Variants in IL17RE observed in about 807,000 individuals in gnomAD.
The protein encoded by IL17RE is interleukin 17 receptor E.
IL17RE carries 47 observed loss-of-function variants against 70.7 expected under a neutral mutation model. That is an observed-to-expected ratio of 0.67 (90% CI 0.53 to 0.85). The LOEUF (loss-of-function observed/expected upper bound fraction) is 0.85. IL17RE is among the 40% of genes least tolerant of loss of function. The pLI is 0.00. For synonymous variants in IL17RE, 372 were observed against 381.2 expected, an observed-to-expected ratio of 0.98 and a Z score of 0.28; for missense variants, 850 against 893.9, an observed-to-expected ratio of 0.95 and a Z score of 0.63.
rs1230742813 is a variant in IL17RE at position 9,907,078 on chromosome 3, T to C, written c.644T>C (p.Leu215Pro). Residue 215 changes from leucine (L) to proline (P), a missense_variant, in exon 6 of 16, where the codon CTG becomes CCG. Transcript: ENST00000383814. ...CAGTGGGCACTGGAGTGTGAAGAGCTGAGCAGTCCCTATGATGTCCAGGTA... is the reference window on the plus strand; with the variant it reads ...CAGTGGGCACTGGAGTGTGAAGAGCCGAGCAGTCCCTATGATGTCCAGGTA... ...CHQWALECEE[L>P]SSPYDVQKIV... is the part of the protein sequence containing the mutation. 1 of 1,614,162 alleles carries C rather than the reference T, an allele frequency of 6.2e-7. No individual in the cohort carries two copies. The highest frequency in any genetic ancestry group is 1.7e-5 in the Admixed American group (1 of 60,004).
chr3:9,911,338 C>T (rs767525094), intron 11 of IL17RE, 38 bp downstream of exon 11: 6 of 1,613,286 alleles, frequency 3.7e-6, no homozygotes, highest in Non-Finnish European at 5.1e-6. Flanking sequence ...ACCCCCTGCC[C>T]CATTTCATCC....
At chr3:9,905,094 C>CAAAAAAAAAAA (rs71626946) in intron 3 of IL17RE, among the ~76,000 whole-genome samples, 3 of 56,164 alleles carry the variant, frequency 5.3e-5, no homozygotes, top group Admixed American at 2.6e-4. Context: ...GACCCTGTCT[C>CAAAAAAAAAAA]AAAAAAAAAA....
Position 9,906,443 on chromosome 3 carries a change from G to A in IL17RE, c.348G>A (p.Lys116=). The A allele has an allele frequency of 1.2e-6, 2 of 1,612,878 alleles. No individual in the cohort carries two copies. The highest frequency in any genetic ancestry group is 4.5e-5 in the East Asian group (2 of 44,876). The change falls in exon 4 of 16, where the codon AAG becomes AAA. Residue 116 remains lysine (K), a synonymous_variant. Coordinates refer to ENST00000383814, the MANE Select transcript of IL17RE (RefSeq NM_153480.2). ...CATTCAAGTTCTATAGGAGACACAA[G>A]ATGCCAGCACCTGCTCAGGTACTCT... ...SSTFKFYRRH[K]MPAPAQRKLL...
In IL17RE at chr3:9,906,428, C is replaced by A. The variant is rs372470651; in HGVS notation, c.333C>A (p.Phe111Leu). ...CCAAAAAGTCTTCCACATTCAAGTTCTATAGGAGACACAAGATGCCAGCAC... is the reference window on the plus strand; with the variant it reads ...CCAAAAAGTCTTCCACATTCAAGTTATATAGGAGACACAAGATGCCAGCAC... ...QKSKKSSTFK[F>L]YRRHKMPAPA... Residue 111 changes from phenylalanine (F) to leucine (L), a missense_variant, in exon 4 of 16, where the codon TTC becomes TTA. Coordinates refer to ENST00000383814, the MANE Select transcript of IL17RE (RefSeq NM_153480.2). 104 of 1,613,866 alleles carry A rather than the reference C, an allele frequency of 6.4e-5. 1 individual carries two copies. The South Asian group carries it at 1.1e-3, about 17-fold the overall frequency.
rs1575491174 is a variant in IL17RE, at chr3:9,911,318, C to T, written c.1072+18C>T. 6.2e-7 allele frequency: 1 copy of T among 1,614,044 alleles called. No individual in the cohort carries two copies. Among genetic ancestry groups the T allele is most frequent in the East Asian group, 2.2e-5 (1 of 44,880 alleles). On this transcript the variant is annotated intron_variant, in intron 11 of 15. Transcript: ENST00000383814. ...CCAGACTGGTGAGTCAATAAGTGACCTCTGCTGGGACCCCCTGCCCCATTT... is the reference window on the plus strand; with the variant it reads ...CCAGACTGGTGAGTCAATAAGTGACTTCTGCTGGGACCCCCTGCCCCATTT...
At chr3:9,902,550 G>A, upstream of IL17RE, 1 of 1,374,106 alleles carries the variant, frequency 7.3e-7, no homozygotes, top group Non-Finnish European at 1.0e-6. Context: ...GGAGACACAA[G>A]TTCCAGAGTG....
Position 9,915,664 on chromosome 3 carries a change from C to G in IL17RE, c.1861C>G (p.Arg621Gly). Residue 621 changes from arginine to glycine, a missense_variant, in exon 16 of 16, where the codon CGT (arginine) becomes GGT (glycine). Coordinates refer to ENST00000383814, the MANE Select transcript of IL17RE (RefSeq NM_153480.2). This position sits in a 1 kb window ranked among gnomAD's most constrained non-coding sequence, Gnocchi z 4.9. Reference protein sequence around the residue: ...PRYRLLRDLPRLLRALDARPF... With the variant: ...PRYRLLRDLPGLLRALDARPF... The stretch of plus-strand genomic sequence containing the variant: ...CTACCGCCTGCTGCGCGACCTGCCG[C>G]GTCTGCTGCGGGCGCTGGACGCGCG... 1 of 1,396,906 alleles carries G rather than the reference C, an allele frequency of 7.2e-7. No individual in the cohort carries two copies. The highest frequency in any genetic ancestry group is 9.2e-7 in the Non-Finnish European group (1 of 1,084,512). 86.5% of individuals were successfully genotyped at this position (1,396,906 alleles called of 1,614,324 possible). A position where few individuals can be genotyped will look rare whatever the true frequency, so the allele number is the denominator to read the frequency against.
intron 7 of IL17RE, among the ~76,000 whole-genome samples, 196 bp from the exon 8 acceptor site, chr3:9,909,020 TG>T (rs1223026836): frequency 6.6e-6 from 1 of 152,092 alleles, no homozygotes; most frequent in African/African-American, 2.4e-5. Context: ...GCCCCTCACT[TG>T]CTTATCCCTC....
chr3:9,914,639 C>T (rs1367656695), intron 14 of IL17RE, 40 bp downstream of exon 14: 1 of 1,612,428 alleles, frequency 6.2e-7, no homozygotes, highest in South Asian at 1.1e-5. Flanking sequence ...GGAGGCTGGG[C>T]ACTGAGGAAC....
chr3:9,911,176 T>C lies in IL17RE; in HGVS notation c.1026+2T>C. ...CTGCACCCCCAGCTCTGCTTCAAGG[T>C]ACAACCATGGGTAAGAAAAGATGTG... On this transcript the variant is annotated splice_donor_variant, in intron 10 of 15. Transcript: ENST00000383814. LOFTEE classifies it high-confidence loss of function. 1 of 1,614,204 alleles carries C rather than the reference T, an allele frequency of 6.2e-7. No homozygotes were observed. The highest frequency in any genetic ancestry group is 8.5e-7 in the Non-Finnish European group (1 of 1,180,032).
At chr3:9,904,966 A>G (rs761560999) in intron 3 of IL17RE, among the ~76,000 whole-genome samples, 20 of 148,944 alleles carry the variant, frequency 1.3e-4, no homozygotes, top group Non-Finnish European at 2.4e-4. Context: ...GTGGTAGTGC[A>G]CACCTGAAGT....
Position 9,915,751 on chromosome 3 carries a change from C to T in IL17RE, c.1948C>T (p.Leu650=), listed in dbSNP as rs770876719. ...GGCGCGGCAGCGCAGGCAGAGCCGC[C>T]TAGAGCTGTGCAGCCGGCTCGAACG... ...LGARQRRQSR[L]ELCSRLEREA... Residue 650 remains leucine, a synonymous_variant, in exon 16 of 16, where the codon CTA becomes TTA. Transcript: ENST00000383814. The surrounding 1 kb of genome is among the most constrained non-coding windows in gnomAD (Gnocchi z 4.9). The T allele has an allele frequency of 6.6e-7, 1 of 1,519,894 alleles. No homozygotes were observed. Among genetic ancestry groups the T allele is most frequent in the Non-Finnish European group, 8.7e-7 (1 of 1,146,590 alleles). 94.2% of individuals were successfully genotyped at this position (1,519,894 alleles called of 1,614,324 possible).
At chr3:9,904,548 G>C (rs2082708816) in intron 3 of IL17RE, among the ~76,000 whole-genome samples, 1 of 152,184 alleles carries the variant, frequency 6.6e-6, no homozygotes, top group African/African-American at 2.4e-5. Context: ...ACTTTGGGAG[G>C]CTGAAGCAGC....
Position 9,916,101 on chromosome 3 carries a change from C to G in IL17RE, c.*294C>G, listed in dbSNP as rs559519245. 1.5e-5 allele frequency: 5 copies of G among 342,146 alleles called. No homozygotes were observed. In the South Asian group the frequency reaches 4.9e-4, roughly 33 times the overall value. 21.2% of individuals were successfully genotyped at this position (342,146 alleles called of 1,614,324 possible). On this transcript the variant is annotated 3_prime_UTR_variant, in exon 16 of 16. Coordinates refer to ENST00000383814, the MANE Select transcript of IL17RE (RefSeq NM_153480.2). Reference sequence around the variant, plus strand: ...CAGAAAGAGCAGTGTGCTTATGCTTCAGTCCAGGCTGGAGAGGTTGGGGCC... The same window carrying G: ...CAGAAAGAGCAGTGTGCTTATGCTTGAGTCCAGGCTGGAGAGGTTGGGGCC...
chr3:9,904,145 G>A lies in IL17RE; in HGVS notation c.262G>A (p.Gly88Ser), dbSNP rs1270850383. 2.5e-6 allele frequency: 4 copies of A among 1,613,992 alleles called. No individual in the cohort carries two copies. The highest frequency in any genetic ancestry group is 1.1e-5 in the South Asian group (1 of 91,076). Residue 88 changes from glycine to serine, a missense_variant, in exon 3 of 16, where the codon GGC becomes AGC. Transcript: ENST00000383814. ...RCLCQHLLSG[G>S]SGLQRGLFHL... ...TTTGTGCCAGCATCTGCTGTCAGGTGGCTCAGGTATGAGAAACAGCCCCTT... is the reference window on the plus strand; with the variant it reads ...TTTGTGCCAGCATCTGCTGTCAGGTAGCTCAGGTATGAGAAACAGCCCCTT...
Position 9,915,286 on chromosome 3 carries a change from G to A in IL17RE, c.1483G>A (p.Ala495Thr). 7.1e-7 allele frequency: 1 copy of A among 1,406,472 alleles called. No homozygotes were observed. The highest frequency in any genetic ancestry group is 2.9e-5 in the East Asian group (1 of 33,984). 87.1% of individuals were successfully genotyped at this position (1,406,472 alleles called of 1,614,324 possible). A position where few individuals can be genotyped will look rare whatever the true frequency, so the allele number is the denominator to read the frequency against. The change falls in exon 16 of 16, where the codon GCG (alanine) becomes ACG (threonine). Residue 495 changes from alanine (A) to threonine (T), a missense_variant. Physicochemically the swap from Ala to Thr is moderately conservative, Grantham distance 58. Coordinates refer to ENST00000383814, the MANE Select transcript of IL17RE (RefSeq NM_153480.2). The surrounding 1 kb of genome is among the most constrained non-coding windows in gnomAD (Gnocchi z 4.9). Reference protein sequence around the residue: ...GPARPVLLLHAADSEAQRRLV... With the variant: ...GPARPVLLLHTADSEAQRRLV... ...AGCGCGGCCAGTGCTCCTCCTGCACGCGGCGGACTCGGAGGCGCAGCGGCG... is the reference window on the plus strand; with the variant it reads ...AGCGCGGCCAGTGCTCCTCCTGCACACGGCGGACTCGGAGGCGCAGCGGCG...
intron 2 of IL17RE, 144 bp downstream of exon 2, chr3:9,903,556 G>T: frequency 2.3e-6 from 2 of 860,494 alleles, no homozygotes; most frequent in Non-Finnish European, 3.7e-6. Flanking sequence ...GACAAGCCTG[G>T]GTTCACATTG....
chr3:9,914,488 T>C (rs1403099847), intron 13 of IL17RE, 60 bp from the exon 14 acceptor site: 3 of 1,604,988 alleles, frequency 1.9e-6, no homozygotes, highest in African/African-American at 2.7e-5. Flanking sequence ...CATGCTTCAC[T>C]CAGCTCCCCG....
chr3:9,907,383 A>T lies in IL17RE; in HGVS notation c.666+283A>T, dbSNP rs190738721. Among the ~76,000 whole-genome samples the T allele has an allele frequency of 2.7e-3, 409 of 150,644 alleles. 4 individuals are homozygous for T. Among genetic ancestry groups the T allele is most frequent in the African/African-American group, 7.0e-3 (280 of 40,140 alleles). On this transcript the variant is annotated intron_variant, in intron 6 of 15. Coordinates refer to ENST00000383814, the MANE Select transcript of IL17RE (RefSeq NM_153480.2). Reference sequence around the variant, plus strand: ...TGAAACCCTGCTGCTAAAAATAAATAAATAAATTAATTAATTAATTAATTA... The same window carrying T: ...TGAAACCCTGCTGCTAAAAATAAATTAATAAATTAATTAATTAATTAATTA...
Sources: gnomAD v4.1 joint callset for allele counts (sites outside exome capture counted in the v4.1 genomes callset) on GRCh38, gnomAD v4.1.1 for gene constraint, Gnocchi (gnomAD v3.1) non-coding constraint, MANE v1.5 for transcripts, NCBI Gene and HGNC (gene_info 2026-07-23, HGNC 2026-07-21) for gene names.